Variants in GRM4 observed in about 807,000 individuals in gnomAD.
GRM4 encodes the protein metabotropic glutamate receptor 4.
GRM4 carries 28 observed loss-of-function variants against 81.7 expected under a neutral mutation model. The observed-to-expected ratio is 0.34, with a 90% CI of 0.25 to 0.47. The LOEUF is 0.47. Ranked by LOEUF, GRM4 falls within the 20% of genes least tolerant of loss-of-function variation. The probability of loss-of-function intolerance (pLI) is 1.00; values close to 1 mark genes in which losing one functional copy is unlikely to be tolerated. For missense variants in GRM4, 948 were observed against 1,290.0 expected (o/e 0.73, Z 4.06); for synonymous variants, 488 against 528.8 (o/e 0.92, Z 1.06).
At chr6:34,093,783 C>A (rs1581687491) in intron 2 of GRM4, among the ~76,000 whole-genome samples, 1 of 152,228 alleles carries the variant, frequency 6.6e-6, no homozygotes, top group Admixed American at 6.5e-5. Flanking sequence ...AGCTGGCCCG[C>A]TCTCCGCCTC....
chr6:34,036,109 A>G lies in GRM4; in HGVS notation c.2001T>C (p.Tyr667=). ...IFLGLGMSIS[Y]AALLTKTNRI... Reference sequence around the variant, plus strand: ...GGTTGGTCTTGGTGAGCAGGGCTGCATAGCTGATGCTCATCCCTAGTCCCA... The same window carrying G: ...GGTTGGTCTTGGTGAGCAGGGCTGCGTAGCTGATGCTCATCCCTAGTCCCA... The change falls in exon 9 of 11, where the codon TAT becomes TAC. Residue 667 remains tyrosine, a synonymous_variant. Transcript: ENST00000538487. The surrounding 1 kb of genome is among the most constrained non-coding windows in gnomAD (Gnocchi z 9.0). 3.7e-6 allele frequency: 6 copies of G among 1,614,220 alleles called. No homozygotes were observed. The highest frequency in any genetic ancestry group is 5.1e-6 in the Non-Finnish European group (6 of 1,180,030).
intron 2 of GRM4, among the ~76,000 whole-genome samples, chr6:34,104,133 C>G (rs77482829): frequency 0.021 from 3,244 of 152,374 alleles, 63 homozygotes; most frequent in African/African-American, 0.047. Flanking sequence ...ACAGTGCTGT[C>G]TGTGGGCCAG....
chr6:34,029,735 T>C (rs1467289573), intron 9 of GRM4, among the ~76,000 whole-genome samples: 1 of 152,216 alleles, frequency 6.6e-6, no homozygotes, highest in Non-Finnish European at 1.5e-5. Context: ...AACTTGCTTT[T>C]AGTGACCGCA....
At chr6:34,086,173 T>C (rs1198053148) in intron 3 of GRM4, among the ~76,000 whole-genome samples, 1 of 152,060 alleles carries the variant, frequency 6.6e-6, no homozygotes, top group Non-Finnish European at 1.5e-5. Flanking sequence ...GTAGATGGGG[T>C]GCTCCATTTA....
intron 3 of GRM4, among the ~76,000 whole-genome samples, chr6:34,071,472 CCACAAA>C (rs1766840389): frequency 2.2e-5 from 1 of 45,058 alleles, no homozygotes; most frequent in African/African-American, 9.8e-5. Context: ...GAGATACACA[CCACAAA>C]CACACACACA....
At chr6:34,023,130 G>A (rs1763972611) in intron 10 of GRM4, among the ~76,000 whole-genome samples, 1 of 152,216 alleles carries the variant, frequency 6.6e-6, no homozygotes, top group African/African-American at 2.4e-5. Flanking sequence ...GCCGGGCTGG[G>A]CTGCTTGCCT....
chr6:34,101,361 C>T (rs1768828072), intron 2 of GRM4, among the ~76,000 whole-genome samples: 1 of 152,260 alleles, frequency 6.6e-6, no homozygotes, highest in Non-Finnish European at 1.5e-5. Context: ...CTTGCCCAAG[C>T]TCACACAGCT....
At chr6:34,096,375 C>T (rs1768517038) in intron 2 of GRM4, among the ~76,000 whole-genome samples, 1 of 152,208 alleles carries the variant, frequency 6.6e-6, no homozygotes, top group South Asian at 2.1e-4. Context: ...CTCCTCCAGG[C>T]AGCCCTCCCT....
chr6:34,027,542 T>G (rs952942309), intron 10 of GRM4, among the ~76,000 whole-genome samples: 3 of 152,206 alleles, frequency 2.0e-5, no homozygotes, highest in Non-Finnish European at 4.4e-5. Context: ...TCACCGGTCC[T>G]GGCCGGCCCA....
intron 3 of GRM4, among the ~76,000 whole-genome samples, chr6:34,072,018 A>G (rs1310774037): frequency 2.0e-5 from 3 of 151,046 alleles, no homozygotes; most frequent in African/African-American, 7.4e-5. Context: ...ACACAGAGAC[A>G]CACACACCTA....
At chr6:34,149,494 C>T (rs960442414), upstream of GRM4, among the ~76,000 whole-genome samples, 3 of 152,316 alleles carry the variant, frequency 2.0e-5, no homozygotes, top group East Asian at 3.9e-4. Flanking sequence ...CGTAAGTCAC[C>T]CCGCAGGCAC....
rs541181653 is a variant in GRM4 at position 34,092,898 on chromosome 6, T to C, written c.520-799A>G. Among the ~76,000 whole-genome samples the C allele has an allele frequency of 6.6e-6, 1 of 151,850 alleles. No homozygotes were observed. Among genetic ancestry groups the C allele is most frequent in the South Asian group, 2.1e-4 (1 of 4,784 alleles). On this transcript the variant is annotated intron_variant, in intron 2 of 10. Coordinates refer to ENST00000538487, the MANE Select transcript of GRM4 (RefSeq NM_000841.4). The surrounding 1 kb of genome is among the most constrained non-coding windows in gnomAD (Gnocchi z 6.8). Reference sequence around the variant, plus strand: ...TGCCTCCTGTAGATACACCCAACCATCCCCAGGACAGGGAAGGGGTATGGT... The same window carrying C: ...TGCCTCCTGTAGATACACCCAACCACCCCCAGGACAGGGAAGGGGTATGGT...
At chr6:34,027,537 G>T (rs79196169) in intron 10 of GRM4, among the ~76,000 whole-genome samples, 1 of 152,182 alleles carries the variant, frequency 6.6e-6, no homozygotes, top group Non-Finnish European at 1.5e-5. Flanking sequence ...CTCACTCACC[G>T]GTCCTGGCCG....
At position 34,040,693 on chromosome 6, in the gene GRM4, A is replaced by C; in HGVS notation, c.1224T>G (p.Phe408Leu). ...CCATGGCGTACACGGCATCGATCAC[A>C]AACTGCACCTTCCCCTCCTGCTCAT... ...SAYEQEGKVQ[F>L]VIDAVYAMGH... Residue 408 changes from phenylalanine to leucine, a missense_variant, in exon 7 of 11, where the codon TTT becomes TTG. Coordinates refer to ENST00000538487, the MANE Select transcript of GRM4 (RefSeq NM_000841.4). 6.2e-7 allele frequency: 1 copy of C among 1,614,120 alleles called. No homozygotes were observed. The highest frequency in any genetic ancestry group is 8.5e-7 in the Non-Finnish European group (1 of 1,179,944).
At position 34,103,863 on chromosome 6, in the gene GRM4, C is replaced by T. The variant is rs947164992; in HGVS notation, c.520-11764G>A. On this transcript the variant is annotated intron_variant, in intron 2 of 10. Transcript: ENST00000538487. ...GATGTGTCAGGCACTGCGAGGGTCC[C>T]GAGGGAGAATGAGTGTTACAGAAGC... 29 of 1,410,702 alleles carry T rather than the reference C, an allele frequency of 2.1e-5. No homozygotes were observed. The East Asian group carries it at 6.9e-4, about 33-fold the overall frequency. 87.4% of individuals were successfully genotyped at this position (1,410,702 alleles called of 1,614,324 possible). A position where few individuals can be genotyped will look rare whatever the true frequency, so the allele number is the denominator to read the frequency against.
rs1412216668 is a variant in GRM4 at position 34,059,653 on chromosome 6, C to T, written c.873-525G>A. 1 of 166,014 alleles carries T rather than the reference C, an allele frequency of 6.0e-6. No homozygotes were observed. Among genetic ancestry groups the T allele is most frequent in the African/African-American group, 2.4e-5 (1 of 41,760 alleles). 10.3% of individuals were successfully genotyped at this position (166,014 alleles called of 1,614,324 possible). ...GCCCTCTGTGCCAAAATTCCAGGTC[C>T]TTCAGAGAGCTGCTCCCCACACCCT... On this transcript the variant is annotated intron_variant, in intron 4 of 10. Transcript: ENST00000538487. The surrounding 1 kb of genome is among the most constrained non-coding windows in gnomAD (Gnocchi z 5.7).
rs561267507 is a variant in GRM4, at chr6:34,049,721, C to T, written c.1168+6823G>A. On this transcript the variant is annotated intron_variant, in intron 6 of 10. Transcript: ENST00000538487. Reference sequence around the variant, plus strand: ...TTGTTCCAGCAGAGAATGCTGAAGCCATCCTTGACTTTCTGTCATCTCTCT... The same window carrying T: ...TTGTTCCAGCAGAGAATGCTGAAGCTATCCTTGACTTTCTGTCATCTCTCT... 5.9e-5 allele frequency among the ~76,000 whole-genome samples: 9 copies of T among 152,256 alleles called. No individual in the cohort carries two copies. In the East Asian group the frequency reaches 9.7e-4, roughly 16 times the overall value.
intron 2 of GRM4, among the ~76,000 whole-genome samples, chr6:34,127,696 G>A (rs1770073583): frequency 6.6e-6 from 1 of 152,172 alleles, no homozygotes; most frequent in Admixed American, 6.5e-5. Flanking sequence ...GAGGCCGTGA[G>A]GAGTTGTCAT....
chr6:34,031,237 C>T (rs544023618), intron 9 of GRM4, among the ~76,000 whole-genome samples: 219 of 152,290 alleles, frequency 1.4e-3, no homozygotes, highest in South Asian at 9.3e-3. Context: ...CCTCTTAGCC[C>T]GCTGGTGCCT....
Sources: allele counts gnomAD v4.1 joint callset (sites outside exome capture counted in the v4.1 genomes callset), GRCh38; gene constraint gnomAD v4.1.1; non-coding constraint Gnocchi (gnomAD v3.1); transcripts MANE v1.5; gene names NCBI Gene and HGNC (gene_info 2026-07-23, HGNC 2026-07-21).